Variants in FAF1 observed in about 807,000 individuals in gnomAD.
FAF1 encodes the protein Fas associated factor 1.
FAF1 carries 25 observed loss-of-function variants against 92.5 expected under a neutral mutation model. The observed-to-expected ratio is 0.27, with a 90% CI of 0.20 to 0.38. The LOEUF is 0.38. FAF1 is among the 10% of genes least tolerant of loss of function. FAF1 has a pLI of 1.00. For synonymous variants in FAF1, 234 were observed against 273.2 expected, an observed-to-expected ratio of 0.86 and a Z score of 1.42; for missense variants, 636 against 793.3, an observed-to-expected ratio of 0.80 and a Z score of 2.38.
intron 7 of FAF1, among the ~76,000 whole-genome samples, chr1:50,693,362 T>C (rs983208506): frequency 6.6e-6 from 1 of 152,192 alleles, no homozygotes. Context: ...TAAGGGTTTC[T>C]TTCTAGGTTC....
chr1:50,824,059 A>C (rs1644070127), intron 2 of FAF1, among the ~76,000 whole-genome samples: 1 of 152,228 alleles, frequency 6.6e-6, no homozygotes, highest in South Asian at 2.1e-4. Flanking sequence ...AGAAAGGCTA[A>C]TTTTAAAATG....
At chr1:50,517,694 C>T (rs1647270520) in intron 15 of FAF1, among the ~76,000 whole-genome samples, 1 of 152,180 alleles carries the variant, frequency 6.6e-6, no homozygotes, top group Admixed American at 6.5e-5. Context: ...ATTGTGCAAT[C>T]CCAACTGTTG....
chr1:50,500,706 A>G (rs1291392318), intron 15 of FAF1, among the ~76,000 whole-genome samples: 3 of 152,186 alleles, frequency 2.0e-5, no homozygotes. Flanking sequence ...ATTGAAAATG[A>G]TATTGAGTGT....
chr1:50,909,850 A>G, intron 1 of FAF1, among the ~76,000 whole-genome samples: 1 of 151,960 alleles, frequency 6.6e-6, no homozygotes, highest in Non-Finnish European at 1.5e-5. Context: ...GAAGTTTGTT[A>G]TTACCGATTG....
intron 6 of FAF1, among the ~76,000 whole-genome samples, chr1:50,736,525 G>A (rs1408436992): frequency 6.6e-6 from 1 of 152,188 alleles, no homozygotes; most frequent in Non-Finnish European, 1.5e-5. Context: ...CGAGGTGGGA[G>A]GATCACCTGA....
intron 12 of FAF1, among the ~76,000 whole-genome samples, chr1:50,576,754 T>C (rs919056696): frequency 2.4e-4 from 36 of 151,422 alleles, no homozygotes; most frequent in African/African-American, 8.5e-4. Flanking sequence ...GTGATGCTCC[T>C]GATTCAGCCT....
rs572388872 is a variant in FAF1, at chr1:50,516,340, C to T, written c.1494+19029G>A. 1.8e-4 allele frequency among the ~76,000 whole-genome samples: 28 copies of T among 152,188 alleles called. No individual in the cohort carries two copies. In the East Asian group the frequency reaches 3.5e-3, roughly 19 times the overall value. On this transcript the variant is annotated intron_variant, in intron 15 of 18. Coordinates refer to ENST00000396153, the MANE Select transcript of FAF1 (RefSeq NM_007051.3). ...ATTCCACTTGTTCGTGGACTATATCCCTCCGTTTTGAACCAATCTGGTCTC... is the reference window on the plus strand; with the variant it reads ...ATTCCACTTGTTCGTGGACTATATCTCTCCGTTTTGAACCAATCTGGTCTC...
intron 18 of FAF1, among the ~76,000 whole-genome samples, chr1:50,450,168 T>C (rs1003266883): frequency 1.4e-5 from 2 of 141,410 alleles, no homozygotes; most frequent in Admixed American, 7.3e-5. Flanking sequence ...TACTCCAGCC[T>C]GGGTGACAGA....
At chr1:50,707,294 G>A (rs77864065) in intron 6 of FAF1, among the ~76,000 whole-genome samples, 8 of 151,598 alleles carry the variant, frequency 5.3e-5, no homozygotes, top group East Asian at 3.9e-4. Flanking sequence ...TATACTTAGC[G>A]AGCACCAATA....
In FAF1 at chr1:50,562,169, A is replaced by G. The variant is rs562500912; in HGVS notation, c.1268+4908T>C. ...TCATTCATTAAGAATACATTGTACT[A>G]ACAATATTTTTATTAGTTAAATCTA... On this transcript the variant is annotated intron_variant, in intron 13 of 18. Coordinates refer to ENST00000396153, the MANE Select transcript of FAF1 (RefSeq NM_007051.3). Among the ~76,000 whole-genome samples the G allele has an allele frequency of 1.2e-4, 18 of 152,334 alleles. No individual in the cohort carries two copies. In the East Asian group the frequency reaches 3.3e-3, roughly 28 times the overall value.
intron 2 of FAF1, among the ~76,000 whole-genome samples, chr1:50,811,342 C>T (rs896439685): frequency 8.6e-5 from 13 of 151,652 alleles, no homozygotes; most frequent in African/African-American, 3.1e-4. Flanking sequence ...ACAACAAAAA[C>T]AACAACAGCA....
intron 7 of FAF1, among the ~76,000 whole-genome samples, chr1:50,684,718 C>T (rs1656576935): frequency 6.6e-6 from 1 of 152,116 alleles, no homozygotes; most frequent in Non-Finnish European, 1.5e-5. Flanking sequence ...GAGCATTCAA[C>T]TAATAACTTC....
intron 8 of FAF1, among the ~76,000 whole-genome samples, chr1:50,628,589 C>T (rs1397127825): frequency 8.5e-5 from 13 of 152,124 alleles, no homozygotes; most frequent in Admixed American, 5.2e-4. Flanking sequence ...AGGACAATAC[C>T]TTCTCCTTCT....
At chr1:50,782,089 A>G (rs116536977) in intron 4 of FAF1, among the ~76,000 whole-genome samples, 129 of 152,374 alleles carry the variant, frequency 8.5e-4, no homozygotes, top group African/African-American at 3.1e-3. Flanking sequence ...TATATAGTAC[A>G]TAATACTTGA....
At chr1:50,563,168 T>G (rs1650011415) in intron 13 of FAF1, among the ~76,000 whole-genome samples, 2 of 152,208 alleles carry the variant, frequency 1.3e-5, no homozygotes, top group Admixed American at 6.5e-5. Context: ...AACTATGAAG[T>G]GATTTGCAAG....
intron 8 of FAF1, among the ~76,000 whole-genome samples, chr1:50,624,592 G>C (rs1653403693): frequency 6.6e-6 from 1 of 152,052 alleles, no homozygotes; most frequent in Non-Finnish European, 1.5e-5. Context: ...TATATGAAAG[G>C]ATTTTAAAAC....
At chr1:50,455,962 C>G (rs1646347420) in intron 18 of FAF1, among the ~76,000 whole-genome samples, 1 of 152,116 alleles carries the variant, frequency 6.6e-6, no homozygotes, top group African/African-American at 2.4e-5. Context: ...GTAATCCCAG[C>G]TACTCAGGAG....
chr1:50,868,087 G>A (rs575115051), intron 1 of FAF1, among the ~76,000 whole-genome samples: 21 of 152,214 alleles, frequency 1.4e-4, no homozygotes, highest in Non-Finnish European at 2.2e-4. Context: ...AAGGAAAACC[G>A]AACATTGCAT....
intron 8 of FAF1, among the ~76,000 whole-genome samples, chr1:50,599,362 T>C (rs151187699): frequency 0.012 from 1,857 of 152,248 alleles, 23 homozygotes; most frequent in African/African-American, 0.042. Context: ...TCTGCCCACC[T>C]CAGCCTCCCA....
Sources: allele counts gnomAD v4.1 joint callset (sites outside exome capture counted in the v4.1 genomes callset), GRCh38; gene constraint gnomAD v4.1.1; transcripts MANE v1.5; gene names NCBI Gene and HGNC (gene_info 2026-07-23, HGNC 2026-07-21).